The following ZNF251 variants were observed in gnomAD, a reference collection of about 807,000 sequenced individuals.
The protein encoded by ZNF251 is zinc finger protein 251.
In ZNF251, 14 loss-of-function variants were observed where a neutral mutation model predicts 13.5. The observed-to-expected ratio is 1.04, with a 90% CI of 0.69 to 1.63. The LOEUF (loss-of-function observed/expected upper bound fraction) is 1.63. Ranked by LOEUF, ZNF251 falls within the 40% of genes most tolerant of loss-of-function variation. The pLI is 0.00. For synonymous variants in ZNF251, 287 were observed against 295.2 expected (o/e 0.97, Z 0.28); for missense variants, 764 against 834.9 (o/e 0.92, Z 1.05).
intron 4 of ZNF251, among the ~76,000 whole-genome samples, chr8:144,728,709 T>C (rs1823595151): frequency 6.8e-6 from 1 of 146,762 alleles, no homozygotes; most frequent in South Asian, 2.2e-4. Context: ...ATTACCAAAA[T>C]GTGACACAAA....
In ZNF251 at chr8:144,722,109, C is replaced by T. The variant is rs1823387184; in HGVS notation, c.1551G>A (p.Lys517=). 2.0e-5 allele frequency: 33 copies of T among 1,613,972 alleles called. No individual in the cohort carries two copies. The highest frequency in any genetic ancestry group is 2.8e-5 in the Non-Finnish European group (33 of 1,179,920). ...HQKVHSGETR[K]CRKHGPAFVH... ...CAAAGGCTGGACCATGTTTTCTGCA[C>T]TTACGAGTCTCTCCGCTGTGAACTT... Residue 517 remains lysine (K), a synonymous_variant, in exon 5 of 5, where the codon AAG becomes AAA. Transcript: ENST00000292562. The surrounding 1 kb of genome is among the most constrained non-coding windows in gnomAD (Gnocchi z 4.8).
At chr8:144,724,484 CTGTGCCTAGCCAAAA>C (rs1823463024) in intron 4 of ZNF251, among the ~76,000 whole-genome samples, 2 of 152,054 alleles carry the variant, frequency 1.3e-5, no homozygotes, top group Admixed American at 6.6e-5. Context: ...GTGCAGGCCA[CTGTGCCTAGCCAAAA>C]TATAACTTTT....
Position 144,721,673 on chromosome 8 carries a change from T to C in ZNF251, c.1987A>G (p.Lys663Glu). ...AAATGTCTTTCTTGGAAAATCTTCT[T>C]GATATGAATAAAGTATCTTTTAGAG... Reference protein sequence around the residue: ...DGSKRYFIHIKKIFQERHF With the variant: ...DGSKRYFIHIEKIFQERHF The change falls in exon 5 of 5, where the codon AAG (lysine) becomes GAG (glutamate). Residue 663 changes from lysine to glutamate, a missense_variant. Coordinates refer to ENST00000292562, the MANE Select transcript of ZNF251 (RefSeq NM_138367.2). 1 of 1,343,212 alleles carries C rather than the reference T, an allele frequency of 7.4e-7. No individual in the cohort carries two copies. The highest frequency in any genetic ancestry group is 9.6e-7 in the Non-Finnish European group (1 of 1,037,500). 83.2% of individuals were successfully genotyped at this position (1,343,212 alleles called of 1,614,324 possible).
intron 4 of ZNF251, among the ~76,000 whole-genome samples, chr8:144,737,591 G>A (rs189038893): frequency 6.6e-6 from 1 of 152,146 alleles, no homozygotes; most frequent in East Asian, 1.9e-4. Context: ...CACTTTGGTT[G>A]GGAGGCCAAG....
At chr8:144,743,135 C>G (rs968713117) in intron 4 of ZNF251, among the ~76,000 whole-genome samples, 2 of 152,142 alleles carry the variant, frequency 1.3e-5, no homozygotes, top group African/African-American at 4.8e-5. Flanking sequence ...ACCATCTGGG[C>G]TCACTGCAAA....
chr8:144,749,888 T>TC (rs910972432), intron 4 of ZNF251, among the ~76,000 whole-genome samples: 2 of 150,326 alleles, frequency 1.3e-5, no homozygotes, highest in African/African-American at 4.9e-5. Flanking sequence ...TTTTTTCTTT[T>TC]TTTTTTTTTT....
chr8:144,726,636 C>A (rs9771720), intron 4 of ZNF251, among the ~76,000 whole-genome samples: 3,006 of 151,884 alleles, frequency 0.02, 106 homozygotes, highest in African/African-American at 0.07. Context: ...CTTGGGAGGC[C>A]GAGGCGGGTG....
intron 3 of ZNF251, 28 bp from the exon 4 acceptor site, chr8:144,753,824 T>C (rs962587172): frequency 2.0e-6 from 3 of 1,527,784 alleles, no homozygotes; most frequent in African/African-American, 1.4e-5. Flanking sequence ...ACTGGTGAGC[T>C]GGCATGGCCC....
chr8:144,753,432 A>C, intron 4 of ZNF251: 1 of 429,634 alleles, frequency 2.3e-6, no homozygotes, highest in Non-Finnish European at 4.1e-6. Context: ...GTTGTTATCA[A>C]GGTAAATCAC....
At chr8:144,740,060 C>T (rs1314010022) in intron 4 of ZNF251, among the ~76,000 whole-genome samples, 13 of 149,296 alleles carry the variant, frequency 8.7e-5, no homozygotes, top group East Asian at 8.2e-4. Flanking sequence ...CCGAGGCGGG[C>T]AGATCACCTG....
Position 144,721,368 on chromosome 8 carries a change from C to G in ZNF251, c.*276G>C. 1 of 400,140 alleles carries G rather than the reference C, an allele frequency of 2.5e-6. No individual in the cohort carries two copies. Among genetic ancestry groups the G allele is most frequent in the Non-Finnish European group, 4.4e-6 (1 of 228,924 alleles). The allele number at this position is 400,140 out of a possible 1,614,324, so 24.8% of individuals were successfully genotyped here. On this transcript the variant is annotated 3_prime_UTR_variant, in exon 5 of 5. Coordinates refer to ENST00000292562, the MANE Select transcript of ZNF251 (RefSeq NM_138367.2). ...AGACCCAGAGCACCAGCTGGGCTCACTTTTCACGCCCTCCATCCATTCGTC... is the reference window on the plus strand; with the variant it reads ...AGACCCAGAGCACCAGCTGGGCTCAGTTTTCACGCCCTCCATCCATTCGTC...
intron 4 of ZNF251, among the ~76,000 whole-genome samples, chr8:144,728,723 G>A (rs913345628): frequency 1.9e-4 from 28 of 150,534 alleles, no homozygotes; most frequent in Non-Finnish European, 2.4e-4. Flanking sequence ...ACACAAAGAA[G>A]TGAGCACGTG....
rs767416777 is a variant in ZNF251, at chr8:144,723,007, A to T, written c.653T>A (p.Phe218Tyr). ...VFKCDICSKT[F>Y]KYNSDLSRHQ... is the part of the protein sequence containing the mutation. Reference sequence around the variant, plus strand: ...TCTACTTAGGTCTGAATTATATTTGAAGGTTTTGCTGCATATATCACATTT... The same window carrying T: ...TCTACTTAGGTCTGAATTATATTTGTAGGTTTTGCTGCATATATCACATTT... Residue 218 changes from phenylalanine to tyrosine, a missense_variant, in exon 5 of 5, where the codon TTC becomes TAC. Phe to Tyr is a conservative substitution (Grantham distance 22). Coordinates refer to ENST00000292562, the MANE Select transcript of ZNF251 (RefSeq NM_138367.2). The T allele has an allele frequency of 1.2e-6, 2 of 1,613,826 alleles. No homozygotes were observed. The highest frequency in any genetic ancestry group is 2.2e-5 in the South Asian group (2 of 91,064).
chr8:144,731,022 C>T (rs561414670), intron 4 of ZNF251, among the ~76,000 whole-genome samples: 1 of 152,184 alleles, frequency 6.6e-6, no homozygotes, highest in Non-Finnish European at 1.5e-5. Flanking sequence ...AAGACGGACT[C>T]TCCTCCAACT....
At chr8:144,753,057 G>A (rs921637314) in intron 4 of ZNF251, among the ~76,000 whole-genome samples, 1 of 151,908 alleles carries the variant, frequency 6.6e-6, no homozygotes, top group African/African-American at 2.4e-5. Context: ...TGGATCACTT[G>A]ATCTCAAGAA....
At chr8:144,754,117 C>T (rs558322558) in intron 3 of ZNF251, 75 bp downstream of exon 3, 7 of 1,542,182 alleles carry the variant, frequency 4.5e-6, no homozygotes, top group South Asian at 3.7e-5. Context: ...TCTTTGGGAT[C>T]CAAAGAGCCA....
Position 144,753,773 on chromosome 8 carries a change from A to G in ZNF251, c.187T>C (p.Leu63=), listed in dbSNP as rs568614415. The G allele has an allele frequency of 5.0e-6, 8 of 1,587,978 alleles. No individual in the cohort carries two copies. The African/African-American group carries it at 5.4e-5, about 11-fold the overall frequency. The change falls in exon 4 of 5, where the codon TTG becomes CTG. Residue 63 remains leucine (L), a synonymous_variant. Transcript: ENST00000292562. The stretch of plus-strand genomic sequence containing the variant: ...TTCCCCTGCTCCAGCTGGGAGATCA[A>G]CTCCGGCTTAGGGACAGGGAATCCT... ...SLGFPVPKPE[L]ISQLEQGKEL...
At chr8:144,727,117 T>C (rs969873803) in intron 4 of ZNF251, among the ~76,000 whole-genome samples, 16 of 152,138 alleles carry the variant, frequency 1.1e-4, no homozygotes, top group African/African-American at 3.4e-4. Context: ...AAATTCCATT[T>C]ATAAAAAGTT....
chr8:144,732,155 C>T (rs1041216580), intron 4 of ZNF251, among the ~76,000 whole-genome samples: 32 of 151,934 alleles, frequency 2.1e-4, no homozygotes, highest in Non-Finnish European at 4.4e-5. Flanking sequence ...GTTGGCCAGG[C>T]TTGTGTCAAA....
Sources: allele counts gnomAD v4.1 joint callset (sites outside exome capture counted in the v4.1 genomes callset), GRCh38; gene constraint gnomAD v4.1.1; non-coding constraint Gnocchi (gnomAD v3.1); transcripts MANE v1.5; gene names NCBI Gene and HGNC (gene_info 2026-07-23, HGNC 2026-07-21).